DIP2C: variants seen among roughly 807,000 people sequenced by gnomAD.
DIP2C encodes DIP2 acetate--CoA ligase C (putative), also known as disco-interacting protein 2 homolog C.
DIP2C carries 33 observed loss-of-function variants against 192.4 expected under a neutral mutation model. The observed-to-expected ratio is 0.17, with a 90% CI of 0.13 to 0.23. The LOEUF is 0.23. DIP2C is among the 10% of genes least tolerant of loss of function. The pLI is 1.00. For missense variants in DIP2C, 1,537 were observed against 2,110.1 expected (o/e 0.73, Z 5.32); for synonymous variants, 979 against 864.1 (o/e 1.13, Z -2.33).
chr10:467,565 T>TAAA lies in DIP2C; in HGVS notation c.268+4871_268+4873dup, dbSNP rs71376835. On this transcript the variant is annotated intron_variant, in intron 3 of 36. Coordinates refer to ENST00000280886, the MANE Select transcript of DIP2C (RefSeq NM_014974.3). ...AAATAAAATAAAAATTATTTAAGTG[T>TAAA]AAAAAAAAAAAAAAAAGAAAATGTG... Among the ~76,000 whole-genome samples the TAAA allele has an allele frequency of 7.9e-3, 1,033 of 130,334 alleles. 12 individuals carry two copies. Among genetic ancestry groups the TAAA allele is most frequent in the African/African-American group, 0.021 (729 of 34,378 alleles). The allele number at this position is 130,334 out of a possible 152,430, so 85.5% of individuals were successfully genotyped here.
intron 17 of DIP2C, among the ~76,000 whole-genome samples, chr10:380,955 G>A (rs1281170336): frequency 6.6e-6 from 1 of 152,140 alleles, no homozygotes; most frequent in Non-Finnish European, 1.5e-5. Context: ...TGAAACCCCC[G>A]CACAGAGGGA....
intron 22 of DIP2C, among the ~76,000 whole-genome samples, chr10:361,854 GCA>G (rs929500402): frequency 6.6e-6 from 1 of 152,078 alleles, no homozygotes; most frequent in African/African-American, 2.4e-5. Flanking sequence ...AGAAGGCCAC[GCA>G]CCCACAGAAT....
At chr10:364,334 G>T (rs759248286) in intron 20 of DIP2C, 40 bp downstream of exon 20, 3 of 1,579,378 alleles carry the variant, frequency 1.9e-6, no homozygotes, top group Middle Eastern at 1.8e-4. Context: ...AAATATGGCC[G>T]ACCGGAAACC....
At chr10:476,292 C>T (rs1843025054) in intron 2 of DIP2C, among the ~76,000 whole-genome samples, 1 of 152,180 alleles carries the variant, frequency 6.6e-6, no homozygotes, top group Non-Finnish European at 1.5e-5. Context: ...CGTGAGGCAC[C>T]AGCTCAGATC....
chr10:487,247 G>A (rs550446374), intron 1 of DIP2C, among the ~76,000 whole-genome samples: 14 of 152,324 alleles, frequency 9.2e-5, no homozygotes, highest in East Asian at 5.8e-4. Flanking sequence ...ATACTCATTC[G>A]CTGTTCATTT....
At position 472,492 on chromosome 10, in the gene DIP2C, G is replaced by C. The variant is rs1970710558; in HGVS notation, c.215C>G (p.Ser72Cys). Reference sequence around the variant, plus strand: ...TGAAGACCGTCGGCGGTGGTAGCGAGAGGCGGAGGAAGGAGTGACAGGAGC... The same window carrying C: ...TGAAGACCGTCGGCGGTGGTAGCGACAGGCGGAGGAAGGAGTGACAGGAGC... The part of the protein sequence containing the change: ...RRAPVTPSSA[S>C]RYHRRRSSGS... The change falls in exon 3 of 37, where the codon TCT (serine) becomes TGT (cysteine). Residue 72 changes from serine to cysteine, a missense_variant. Physicochemically the swap from Ser to Cys is moderately radical, Grantham distance 112 (BLOSUM62 -1). Transcript: ENST00000280886. 6.2e-7 allele frequency: 1 copy of C among 1,614,206 alleles called. No homozygotes were observed. The highest frequency in any genetic ancestry group is 8.5e-7 in the Non-Finnish European group (1 of 1,180,046).
chr10:299,221 T>C (rs1955902536), intron 32 of DIP2C, among the ~76,000 whole-genome samples: 1 of 152,232 alleles, frequency 6.6e-6, no homozygotes, highest in Non-Finnish European at 1.5e-5. Flanking sequence ...TTCCTGAGAA[T>C]AGGAATACTA....
At chr10:338,778 C>T (rs573670911) in intron 29 of DIP2C, among the ~76,000 whole-genome samples, 2 of 152,054 alleles carry the variant, frequency 1.3e-5, no homozygotes, top group Admixed American at 6.5e-5. Context: ...GCTGGCACTG[C>T]CCACGCCACC....
At chr10:304,183 A>G (rs1395827530) in intron 32 of DIP2C, among the ~76,000 whole-genome samples, 2 of 152,212 alleles carry the variant, frequency 1.3e-5, no homozygotes, top group Non-Finnish European at 2.9e-5. Flanking sequence ...ATGATCCTAC[A>G]TGCTATACGT....
At chr10:612,334 G>T (rs148279282) in intron 1 of DIP2C, among the ~76,000 whole-genome samples, 1 of 151,848 alleles carries the variant, frequency 6.6e-6, no homozygotes, top group Non-Finnish European at 1.5e-5. Context: ...ATTCTTCACC[G>T]ATGTCAAATA....
intron 4 of DIP2C, among the ~76,000 whole-genome samples, chr10:431,925 G>A (rs1262623653): frequency 6.6e-6 from 1 of 152,142 alleles, no homozygotes; most frequent in African/African-American, 2.4e-5. Context: ...GGTGACCTCT[G>A]TTCCTAGTTT....
chr10:364,643 C>G, intron 19 of DIP2C, 61 bp from the exon 20 acceptor site: 1 of 1,557,888 alleles, frequency 6.4e-7, no homozygotes, highest in South Asian at 1.2e-5. Flanking sequence ...TAATCCTCGC[C>G]GCTACTCCTG....
At chr10:413,796 G>C (rs1564678174) in intron 8 of DIP2C, 117 bp downstream of exon 8, 1 of 1,323,652 alleles carries the variant, frequency 7.6e-7, no homozygotes, top group Non-Finnish European at 1.0e-6. Flanking sequence ...GCAAAGGGCA[G>C]AGGGTTAGCC....
At chr10:512,420 A>AC (rs1846074959) in intron 1 of DIP2C, among the ~76,000 whole-genome samples, 1 of 152,046 alleles carries the variant, frequency 6.6e-6, no homozygotes, top group Non-Finnish European at 1.5e-5. Flanking sequence ...AAAAATAAAA[A>AC]TAAAAAATTA....
Position 327,033 on chromosome 10 carries a change from G to C in DIP2C, c.3897C>G (p.Cys1299Trp). The C allele has an allele frequency of 6.2e-7, 1 of 1,613,930 alleles. No individual in the cohort carries two copies. Among genetic ancestry groups the C allele is most frequent in the Non-Finnish European group, 8.5e-7 (1 of 1,179,946 alleles). ...HPRAVSTSFGCRVNLAICLQG... is the reference protein window; with the variant it reads ...HPRAVSTSFGWRVNLAICLQG... ...GCAAGCAAATCGCCAGGTTCACCCT[G>C]CAACCGAACGAGGTGCTGACGGCCC... The change falls in exon 31 of 37, where the codon TGC (cysteine) becomes TGG (tryptophan). Residue 1299 changes from cysteine (C) to tryptophan (W), a missense_variant. Transcript: ENST00000280886.
chr10:634,640 T>C (rs1419885684), intron 1 of DIP2C, among the ~76,000 whole-genome samples: 1 of 151,870 alleles, frequency 6.6e-6, no homozygotes, highest in Non-Finnish European at 1.5e-5. Context: ...TAATCTCAGC[T>C]ACTGGGGGGC....
intron 1 of DIP2C, among the ~76,000 whole-genome samples, chr10:657,670 C>A (rs111170461): frequency 9.1e-5 from 9 of 99,416 alleles, no homozygotes; most frequent in African/African-American, 2.2e-4. Flanking sequence ...CCTGGACCTG[C>A]CGCTGGACCT....
chr10:507,180 T>C lies in DIP2C; in HGVS notation c.86-20650A>G, dbSNP rs181421027. ...CGACGTTACAGACCTGGTCACCAGC[T>C]GTGCCCAATCAGAAGCTTTTGAGGT... is the stretch of plus-strand genomic sequence containing the variant. On this transcript the variant is annotated intron_variant, in intron 1 of 36. Coordinates refer to ENST00000280886, the MANE Select transcript of DIP2C (RefSeq NM_014974.3). Among the ~76,000 whole-genome samples the C allele has an allele frequency of 2.0e-3, 306 of 150,412 alleles. 1 individual carries two copies. Among genetic ancestry groups the C allele is most frequent in the Middle Eastern group, 0.014 (4 of 288 alleles).
chr10:324,045 C>T (rs1281542845), intron 31 of DIP2C, among the ~76,000 whole-genome samples: 2 of 152,194 alleles, frequency 1.3e-5, no homozygotes, highest in Admixed American at 6.5e-5. Context: ...CACGACTCCG[C>T]CCTTTCACTG....
Sources: allele counts gnomAD v4.1 joint callset (sites outside exome capture counted in the v4.1 genomes callset), GRCh38; gene constraint gnomAD v4.1.1; transcripts MANE v1.5; gene names NCBI Gene and HGNC (gene_info 2026-07-23, HGNC 2026-07-21).